PLXNC1: variants seen among roughly 807,000 people sequenced by gnomAD.
The protein encoded by PLXNC1 is plexin-C1.
PLXNC1 carries 75 observed loss-of-function variants against 178.2 expected under a neutral mutation model. The ratio of observed to expected loss-of-function variants is 0.42; its 90% CI spans 0.35 to 0.51. The LOEUF (loss-of-function observed/expected upper bound fraction) is 0.51, where lower values mean the gene tolerates loss of function less well. Among genes scored for constraint, PLXNC1 ranks in the 20% least tolerant of loss-of-function variants. The probability of loss-of-function intolerance (pLI) is 0.02; values close to 1 mark genes in which losing one functional copy is unlikely to be tolerated. For synonymous variants in PLXNC1, 790 were observed against 779.9 expected, an observed-to-expected ratio of 1.01 and a Z score of -0.22; for missense variants, 1,503 against 1,984.4, an observed-to-expected ratio of 0.76 and a Z score of 4.61.
intron 23 of PLXNC1, among the ~76,000 whole-genome samples, chr12:94,286,689 T>A (rs965011939): frequency 2.7e-5 from 4 of 148,706 alleles, no homozygotes; most frequent in Non-Finnish European, 5.9e-5. Flanking sequence ...TGAATCAGAC[T>A]CACCTCCCTC....
chr12:94,265,882 A>C lies in PLXNC1; in HGVS notation c.3597+657A>C, dbSNP rs555185498. On this transcript the variant is annotated intron_variant, in intron 21 of 30. Transcript: ENST00000258526. ...CCATGCTCTTCCTAAAGAAAGAAAGAAAGCCCAGTTTGGGGCACATTTGGG... is the reference window on the plus strand; with the variant it reads ...CCATGCTCTTCCTAAAGAAAGAAAGCAAGCCCAGTTTGGGGCACATTTGGG... Among the ~76,000 whole-genome samples the C allele has an allele frequency of 8.5e-5, 13 of 152,312 alleles. No homozygotes were observed. In the East Asian group the frequency reaches 9.6e-4, roughly 11 times the overall value.
intron 9 of PLXNC1, among the ~76,000 whole-genome samples, chr12:94,231,549 G>A (rs1276872380): frequency 6.6e-6 from 1 of 152,140 alleles, no homozygotes; most frequent in Non-Finnish European, 1.5e-5. Context: ...GTAGGGTCCT[G>A]GTTCAGTCCC....
intron 21 of PLXNC1, among the ~76,000 whole-genome samples, chr12:94,271,020 C>T (rs930690999): frequency 2.0e-5 from 3 of 152,190 alleles, no homozygotes; most frequent in African/African-American, 7.2e-5. Context: ...CTCAGACTTG[C>T]ACTTCTAACT....
rs73230119 is a variant in PLXNC1, at chr12:94,280,339, G to T, written c.3775+690G>T. ...GGATTTTATAGCAGATAATGGGACA[G>T]AAATGAAGAATAGAATCATGGTGGT... On this transcript the variant is annotated intron_variant, in intron 22 of 30. Transcript: ENST00000258526. 2.9e-3 allele frequency among the ~76,000 whole-genome samples: 435 copies of T among 152,328 alleles called. 3 individuals are homozygous for T. The highest frequency in any genetic ancestry group is 4.0e-3 in the Non-Finnish European group (274 of 68,028).
chr12:94,249,221 G>T (rs934490406), intron 14 of PLXNC1, among the ~76,000 whole-genome samples: 15 of 152,074 alleles, frequency 9.9e-5, no homozygotes, highest in Non-Finnish European at 1.9e-4. Context: ...TATGATAAAT[G>T]GGGTTAATAA....
At chr12:94,221,074 G>T (rs1354209254) in intron 6 of PLXNC1, among the ~76,000 whole-genome samples, 3 of 152,244 alleles carry the variant, frequency 2.0e-5, no homozygotes, top group Non-Finnish European at 2.9e-5. Flanking sequence ...TTAAGCCGGA[G>T]GCTGGCAGCA....
intron 1 of PLXNC1, 133 bp downstream of exon 1, chr12:94,150,166 C>T (rs1049116918): frequency 5.3e-6 from 4 of 760,458 alleles, no homozygotes; most frequent in Non-Finnish European, 8.0e-6. Context: ...GTCTCAGGTT[C>T]ACACCGCGGG....
chr12:94,159,747 G>A (rs963145294), intron 1 of PLXNC1, among the ~76,000 whole-genome samples: 1 of 152,204 alleles, frequency 6.6e-6, no homozygotes, highest in Non-Finnish European at 1.5e-5. Context: ...GCTGCCCTGT[G>A]GGGAATGGAT....
chr12:94,267,625 G>A (rs1029903202), intron 21 of PLXNC1, among the ~76,000 whole-genome samples: 4 of 152,220 alleles, frequency 2.6e-5, no homozygotes, highest in African/African-American at 7.2e-5. Flanking sequence ...CTTTAAAAAT[G>A]ATTGTTAGTG....
intron 30 of PLXNC1, among the ~76,000 whole-genome samples, chr12:94,304,492 G>T (rs1968800498): frequency 6.6e-6 from 1 of 152,140 alleles, no homozygotes; most frequent in Admixed American, 6.5e-5. Context: ...TCTCCTTTAT[G>T]ATTAATTCTC....
intron 4 of PLXNC1, among the ~76,000 whole-genome samples, chr12:94,195,172 C>A (rs956447882): frequency 2.4e-4 from 36 of 152,096 alleles, no homozygotes; most frequent in Non-Finnish European, 2.9e-5. Flanking sequence ...TAAGCAGAGG[C>A]CTTCCAGCGC....
chr12:94,248,201 C>A, intron 13 of PLXNC1, 26 bp from the exon 14 acceptor site: 1 of 1,601,604 alleles, frequency 6.2e-7, no homozygotes. Flanking sequence ...GCTCTGATTT[C>A]TCCATCTTCA....
At chr12:94,186,061 T>A in intron 3 of PLXNC1, 1 of 240,006 alleles carries the variant, frequency 4.2e-6, no homozygotes, top group South Asian at 5.5e-5. Context: ...CTGGGCAACG[T>A]AGTGAGACCC....
chr12:94,264,364 C>T (rs1029457396), intron 20 of PLXNC1, among the ~76,000 whole-genome samples: 5 of 152,106 alleles, frequency 3.3e-5, no homozygotes, highest in African/African-American at 1.2e-4. Context: ...AAGAGCCAAT[C>T]GGGATGGGCC....
chr12:94,279,811 C>G lies in PLXNC1; in HGVS notation c.3775+162C>G, dbSNP rs1035100979. 11 of 726,692 alleles carry G rather than the reference C, an allele frequency of 1.5e-5. No individual in the cohort carries two copies. In the African/African-American group the frequency reaches 1.7e-4, roughly 11 times the overall value. 45.0% of individuals were successfully genotyped at this position (726,692 alleles called of 1,614,324 possible). ...GGCATGTCTAGGGGCCAAGAGACTGCTTTGGTCTCTCATGGGCATCCTGAT... is the reference window on the plus strand; with the variant it reads ...GGCATGTCTAGGGGCCAAGAGACTGGTTTGGTCTCTCATGGGCATCCTGAT... On this transcript the variant is annotated intron_variant, in intron 22 of 30. Coordinates refer to ENST00000258526, the MANE Select transcript of PLXNC1 (RefSeq NM_005761.3).
intron 15 of PLXNC1, among the ~76,000 whole-genome samples, chr12:94,253,034 A>T (rs1964740169): frequency 6.6e-6 from 1 of 151,882 alleles, no homozygotes; most frequent in South Asian, 2.1e-4. Context: ...AACATGGTGA[A>T]ACCCTGTCTC....
intron 8 of PLXNC1, among the ~76,000 whole-genome samples, 162 bp downstream of exon 8, chr12:94,226,869 CAA>C (rs1963954736): frequency 6.6e-6 from 1 of 152,068 alleles, no homozygotes; most frequent in South Asian, 2.1e-4. Context: ...ACTAAAAATA[CAA>C]AGTTAGTGGG....
chr12:94,226,467 C>T (rs1416047342), intron 7 of PLXNC1, 138 bp from the exon 8 acceptor site: 4 of 609,956 alleles, frequency 6.6e-6, no homozygotes, highest in South Asian at 2.0e-5. Flanking sequence ...CACAAAGCCT[C>T]ACAGGAATGT....
In PLXNC1 at chr12:94,169,212, C is replaced by T. The variant is rs150683869; in HGVS notation, c.1122C>T (p.Ser374=). 380 of 1,613,736 alleles carry T rather than the reference C, an allele frequency of 2.4e-4. 1 individual carries two copies. The African/African-American group carries it at 3.1e-3, about 13-fold the overall frequency. ...TCGCATCATCTACCTTGATCCATTC[C>T]GACCTGACATCCGTTTATGGCACCG... is the stretch of plus-strand genomic sequence containing the variant. The part of the protein sequence containing the change: ...QPIASSTLIH[S]DLTSVYGTVV... The change falls in exon 2 of 31, where the codon TCC becomes TCT. Residue 374 remains serine (S), a synonymous_variant. Transcript: ENST00000258526.
Sources: gnomAD v4.1 joint callset for allele counts (sites outside exome capture counted in the v4.1 genomes callset) on GRCh38, gnomAD v4.1.1 for gene constraint, MANE v1.5 for transcripts, NCBI Gene and HGNC (gene_info 2026-07-23, HGNC 2026-07-21) for gene names.